The following EPHA4 variants were observed in gnomAD, a reference collection of about 807,000 sequenced individuals.
EPHA4 encodes the protein ephrin type-A receptor 4.
In EPHA4, 19 loss-of-function variants were observed where a neutral mutation model predicts 108.3. The ratio of observed to expected loss-of-function variants is 0.18; its 90% CI spans 0.12 to 0.26. The LOEUF (loss-of-function observed/expected upper bound fraction) is 0.26. Ranked by LOEUF, EPHA4 falls within the 10% of genes least tolerant of loss-of-function variation. The pLI is 1.00. For missense variants in EPHA4, 917 were observed against 1,254.0 expected (o/e 0.73, Z 4.06); for synonymous variants, 449 against 455.5 (o/e 0.99, Z 0.18).
At chr2:221,533,172 T>C (rs16862804) in intron 3 of EPHA4, among the ~76,000 whole-genome samples, 16,259 of 152,244 alleles carry the variant, frequency 0.11, 1,059 homozygotes, top group East Asian at 0.15. Context: ...GATGGGAAAG[T>C]TACATTGAAC....
At chr2:221,573,305 G>T (rs1264648457), upstream of EPHA4, 1 of 152,266 alleles carries the variant, frequency 6.6e-6, no homozygotes, top group African/African-American at 2.4e-5. The surrounding 1 kb of genome is among the most constrained non-coding windows in gnomAD (Gnocchi z 4.5). Context: ...AGCCCTCCCT[G>T]CCCCGGGAGA....
At chr2:221,487,408 G>A (rs1692011358) in intron 4 of EPHA4, among the ~76,000 whole-genome samples, 1 of 152,144 alleles carries the variant, frequency 6.6e-6, no homozygotes, top group Non-Finnish European at 1.5e-5. Flanking sequence ...ATCAAATAAG[G>A]TTTTATCAAA....
intron 2 of EPHA4, 63 bp from the exon 3 acceptor site, chr2:221,564,457 C>A: frequency 6.7e-7 from 1 of 1,499,276 alleles, no homozygotes; most frequent in South Asian, 1.3e-5. Context: ...TTTGTCAATC[C>A]CATTTTATTC....
intron 4 of EPHA4, among the ~76,000 whole-genome samples, chr2:221,499,747 TATATA>T (rs1381009042): frequency 0.034 from 1,911 of 56,504 alleles, 62 homozygotes; most frequent in Non-Finnish European, 0.042. Context: ...TATATATATA[TATATA>T]TATATTTTTT....
intron 3 of EPHA4, among the ~76,000 whole-genome samples, chr2:221,510,380 T>C (rs1692790356): frequency 6.6e-6 from 1 of 152,212 alleles, no homozygotes; most frequent in South Asian, 2.1e-4. Flanking sequence ...CTTTGGAGGT[T>C]TCTTCCTTCA....
upstream of EPHA4, chr2:221,573,657 C>T (rs1023084834): frequency 2.0e-5 from 3 of 152,268 alleles, no homozygotes; most frequent in Non-Finnish European, 4.4e-5. This position sits in a 1 kb window ranked among gnomAD's most constrained non-coding sequence, Gnocchi z 4.5. Context: ...AGGAGCCTCT[C>T]CAGCCCCGGC....
intron 3 of EPHA4, among the ~76,000 whole-genome samples, chr2:221,548,681 T>A (rs1247996582): frequency 6.6e-6 from 1 of 152,074 alleles, no homozygotes; most frequent in Non-Finnish European, 1.5e-5. Context: ...AAAATAAAAA[T>A]AAGAAAGAGA....
In EPHA4 at chr2:221,550,415, AGG is replaced by A. The variant is rs1491338648; in HGVS notation, c.823+13314_823+13315del. Among the ~76,000 whole-genome samples, 340 of 132,216 alleles carry A rather than the reference AGG, an allele frequency of 2.6e-3. 1 individual carries two copies. The highest frequency in any genetic ancestry group is 4.5e-3 in the South Asian group (19 of 4,190). The allele number at this position is 132,216 out of a possible 152,430, so 86.7% of individuals were successfully genotyped here. On this transcript the variant is annotated intron_variant, in intron 3 of 17. Coordinates refer to ENST00000281821, the MANE Select transcript of EPHA4 (RefSeq NM_004438.5). ...TATAGTACCAAAACCTGATGAGGAA[AGG>A]GGAGAGAGAGAGAGAGAGAGAGAGA... is the stretch of plus-strand genomic sequence containing the variant.
At chr2:221,432,083 G>A (rs1057083294) in intron 14 of EPHA4, among the ~76,000 whole-genome samples, 1 of 150,976 alleles carries the variant, frequency 6.6e-6, no homozygotes, top group South Asian at 2.1e-4. Flanking sequence ...TAAAGCCAGA[G>A]AACTGAAAGT....
At chr2:221,480,591 C>T (rs1691790394) in intron 5 of EPHA4, among the ~76,000 whole-genome samples, 1 of 152,134 alleles carries the variant, frequency 6.6e-6, no homozygotes, top group Non-Finnish European at 1.5e-5. Context: ...ATCAAAAACT[C>T]CTAAATCATA....
chr2:221,423,569 C>A (rs921770013), intron 17 of EPHA4, among the ~76,000 whole-genome samples: 2 of 152,134 alleles, frequency 1.3e-5, no homozygotes, highest in African/African-American at 2.4e-5. Context: ...AGATTTCATA[C>A]TTCACCTCTC....
intron 3 of EPHA4, among the ~76,000 whole-genome samples, chr2:221,530,109 G>GA (rs1209940868): frequency 1.3e-5 from 2 of 150,266 alleles, no homozygotes; most frequent in Non-Finnish European, 3.0e-5. Flanking sequence ...CATTAGATTT[G>GA]AAAAAAGGAA....
At chr2:221,434,014 A>C (rs1047399192) in intron 14 of EPHA4, 128 bp downstream of exon 14, 2 of 862,238 alleles carry the variant, frequency 2.3e-6, no homozygotes, top group Non-Finnish European at 3.5e-6. Flanking sequence ...AGCTTGCTAG[A>C]TATATCTGTA....
chr2:221,498,500 G>T (rs1348022441), intron 4 of EPHA4, among the ~76,000 whole-genome samples: 1 of 152,178 alleles, frequency 6.6e-6, no homozygotes, highest in Non-Finnish European at 1.5e-5. Flanking sequence ...AAAGAAAAAG[G>T]TTGGGACTGA....
chr2:221,507,199 G>C (rs1156399820), intron 3 of EPHA4, among the ~76,000 whole-genome samples: 3 of 152,128 alleles, frequency 2.0e-5, no homozygotes, highest in Non-Finnish European at 2.9e-5. Context: ...TCCATGGTTC[G>C]TCTGTTACTC....
intron 3 of EPHA4, among the ~76,000 whole-genome samples, chr2:221,502,369 C>T (rs1692511482): frequency 6.6e-6 from 1 of 152,168 alleles, no homozygotes; most frequent in African/African-American, 2.4e-5. Context: ...AACCCACAAT[C>T]TTTCCAGCAT....
intron 3 of EPHA4, among the ~76,000 whole-genome samples, chr2:221,561,618 G>T (rs1197524127): frequency 6.6e-6 from 1 of 152,176 alleles, no homozygotes; most frequent in Non-Finnish European, 1.5e-5. Flanking sequence ...GGACGCACGT[G>T]ATTAACTGGA....
intron 11 of EPHA4, among the ~76,000 whole-genome samples, chr2:221,441,391 G>A (rs902481768): frequency 6.6e-6 from 1 of 151,620 alleles, no homozygotes; most frequent in African/African-American, 2.4e-5. Context: ...GAAACCGTGG[G>A]CATTACCTTA....
At chr2:221,493,991 C>T (rs1405030493) in intron 4 of EPHA4, among the ~76,000 whole-genome samples, 4 of 152,152 alleles carry the variant, frequency 2.6e-5, no homozygotes, top group Admixed American at 1.3e-4. Flanking sequence ...TTGGCACATT[C>T]GAGGCTGTTT....
Sources: allele counts gnomAD v4.1 joint callset (sites outside exome capture counted in the v4.1 genomes callset), GRCh38; gene constraint gnomAD v4.1.1; non-coding constraint Gnocchi (gnomAD v3.1); transcripts MANE v1.5; gene names NCBI Gene and HGNC (gene_info 2026-07-23, HGNC 2026-07-21).